EYA2: variants seen among roughly 807,000 people sequenced by gnomAD.
EYA2 encodes the protein EYA transcriptional coactivator and phosphatase 2, also known as protein phosphatase EYA2.
Under a neutral mutation model 69.2 loss-of-function variants are expected in EYA2, and 31 were observed. The observed-to-expected ratio is 0.45, with a 90% CI of 0.34 to 0.60. The LOEUF is 0.60. Among genes scored for constraint, EYA2 ranks in the 20% least tolerant of loss-of-function variants. The pLI is 0.02. For synonymous variants in EYA2, 257 were observed against 279.4 expected (o/e 0.92, Z 0.80); for missense variants, 622 against 701.2 (o/e 0.89, Z 1.28).
At chr20:47,124,689 C>G (rs2033134459) in intron 9 of EYA2, among the ~76,000 whole-genome samples, 1 of 152,168 alleles carries the variant, frequency 6.6e-6, no homozygotes, top group Non-Finnish European at 1.5e-5. Flanking sequence ...CCACTTGTAG[C>G]ACTGGAAGTC....
At chr20:47,059,148 T>C (rs1196023847) in intron 5 of EYA2, among the ~76,000 whole-genome samples, 4 of 152,056 alleles carry the variant, frequency 2.6e-5, no homozygotes, top group Non-Finnish European at 4.4e-5. Flanking sequence ...AACTCTGCCT[T>C]AACACCCGAG....
At chr20:47,138,270 A>G (rs1005018949) in intron 9 of EYA2, among the ~76,000 whole-genome samples, 3 of 152,100 alleles carry the variant, frequency 2.0e-5, no homozygotes, top group Non-Finnish European at 4.4e-5. Flanking sequence ...ACTAGTTTTT[A>G]TCGTGTTTTT....
intron 1 of EYA2, among the ~76,000 whole-genome samples, chr20:46,988,394 G>A (rs565315342): frequency 6.8e-4 from 103 of 152,156 alleles, no homozygotes; most frequent in African/African-American, 2.4e-3. Flanking sequence ...AGAGCAGTTT[G>A]GTAACTTGCT....
intron 10 of EYA2, chr20:47,161,684 A>C: frequency 5.0e-6 from 1 of 200,862 alleles, no homozygotes; most frequent in Admixed American, 5.9e-5. Context: ...CAGGGTCCCC[A>C]GGGCCTCCAG....
chr20:47,066,489 C>A (rs1369851359), intron 5 of EYA2, among the ~76,000 whole-genome samples: 1 of 152,134 alleles, frequency 6.6e-6, no homozygotes, highest in African/African-American at 2.4e-5. Flanking sequence ...TTCTCTCTCA[C>A]CTAAAAGTCC....
intron 9 of EYA2, among the ~76,000 whole-genome samples, chr20:47,135,630 T>C (rs1009378046): frequency 6.6e-6 from 1 of 151,542 alleles, no homozygotes; most frequent in African/African-American, 2.4e-5. Context: ...TACAGCTAAT[T>C]AGTATGTAAA....
At chr20:46,949,604 C>T (rs1978678211) in intron 1 of EYA2, among the ~76,000 whole-genome samples, 1 of 152,192 alleles carries the variant, frequency 6.6e-6, no homozygotes, top group Non-Finnish European at 1.5e-5. Flanking sequence ...TGGGTTTAAC[C>T]TCAGCCTGCA....
chr20:47,175,251 G>A (rs960297028), intron 12 of EYA2, among the ~76,000 whole-genome samples: 1 of 152,204 alleles, frequency 6.6e-6, no homozygotes, highest in African/African-American at 2.4e-5. Flanking sequence ...AGATCCCCAC[G>A]ATTCCAAGTG....
At chr20:47,078,948 T>G (rs1225968469) in intron 7 of EYA2, among the ~76,000 whole-genome samples, 1 of 152,248 alleles carries the variant, frequency 6.6e-6, no homozygotes, top group African/African-American at 2.4e-5. Flanking sequence ...AACTTTGACC[T>G]AGGTACAAAC....
intron 9 of EYA2, among the ~76,000 whole-genome samples, chr20:47,140,435 T>A (rs889225823): frequency 2.0e-5 from 3 of 152,194 alleles, no homozygotes; most frequent in African/African-American, 7.2e-5. Flanking sequence ...CATTTTTTTC[T>A]TTCTTTTTTT....
intron 7 of EYA2, among the ~76,000 whole-genome samples, chr20:47,080,107 G>A (rs367947021): frequency 1.3e-5 from 2 of 152,090 alleles, no homozygotes; most frequent in East Asian, 3.9e-4. Context: ...ACAAGTTTCA[G>A]TACCTTTAAA....
chr20:47,038,334 T>C (rs897019617), intron 5 of EYA2, among the ~76,000 whole-genome samples: 2 of 152,068 alleles, frequency 1.3e-5, no homozygotes, highest in Non-Finnish European at 2.9e-5. Flanking sequence ...ACCCCGTCTC[T>C]ACAAAAATTA....
intron 9 of EYA2, chr20:47,117,495 C>T (rs2032932442): frequency 2.0e-6 from 2 of 985,398 alleles, no homozygotes; most frequent in Non-Finnish European, 1.2e-6. Flanking sequence ...CACCACAGTC[C>T]TCCCCGATTC....
intron 5 of EYA2, among the ~76,000 whole-genome samples, chr20:47,060,681 CCT>C (rs1159218551): frequency 1.3e-5 from 2 of 152,218 alleles, no homozygotes; most frequent in Admixed American, 6.5e-5. Context: ...CCCACCATCC[CCT>C]GTTGCTCCCC....
chr20:46,955,969 G>A (rs559271758), intron 1 of EYA2, among the ~76,000 whole-genome samples: 1 of 152,338 alleles, frequency 6.6e-6, no homozygotes, highest in South Asian at 2.1e-4. Context: ...TGTAAGCAAA[G>A]TGGGTGTGTC....
rs1169092276 is a variant in EYA2 at position 47,074,470 on chromosome 20, T to C, written c.661+135T>C. 1.0e-5 allele frequency: 9 copies of C among 896,750 alleles called. No individual in the cohort carries two copies. In the East Asian group the frequency reaches 2.1e-4, roughly 21 times the overall value. The allele number at this position is 896,750 out of a possible 1,614,324, so 55.5% of individuals were successfully genotyped here. On this transcript the variant is annotated intron_variant, in intron 7 of 15. Transcript: ENST00000327619. The stretch of plus-strand genomic sequence containing the variant: ...TTCATGGATGTGGCCTGAGAGCTTC[T>C]CTGAAGGAGGGACCTGGATATGGGT...
At chr20:47,142,330 G>A (rs76078639) in intron 9 of EYA2, among the ~76,000 whole-genome samples, 2,621 of 152,324 alleles carry the variant, frequency 0.017, 115 homozygotes, top group East Asian at 0.17. Context: ...CTACCACACT[G>A]TGTATACAGA....
At chr20:47,031,238 G>A (rs149293427) in intron 5 of EYA2, among the ~76,000 whole-genome samples, 1 of 152,330 alleles carries the variant, frequency 6.6e-6, no homozygotes, top group Non-Finnish European at 1.5e-5. Flanking sequence ...CCAGCCATGG[G>A]TCACAAGTGT....
chr20:47,027,659 A>G (rs1019911184), intron 5 of EYA2, among the ~76,000 whole-genome samples: 2 of 152,180 alleles, frequency 1.3e-5, no homozygotes, highest in Admixed American at 1.3e-4. Flanking sequence ...GAGATTGAGA[A>G]TGAGTTTGGG....
Sources: gnomAD v4.1 joint callset for allele counts (sites outside exome capture counted in the v4.1 genomes callset) on GRCh38, gnomAD v4.1.1 for gene constraint, MANE v1.5 for transcripts, NCBI Gene and HGNC (gene_info 2026-07-23, HGNC 2026-07-21) for gene names.